The following CAMTA1 variants were observed in gnomAD, a reference collection of about 807,000 sequenced individuals.
CAMTA1 encodes the protein calmodulin-binding transcription activator 1.
A neutral mutation model predicts 170.9 loss-of-function variants in CAMTA1; 27 were observed. The observed-to-expected ratio is 0.16, with a 90% CI of 0.12 to 0.22. CAMTA1 has a LOEUF of 0.22. Ranked by LOEUF, CAMTA1 falls within the 10% of genes least tolerant of loss-of-function variation. The pLI is 1.00. For synonymous variants in CAMTA1, 833 were observed against 891.5 expected, an observed-to-expected ratio of 0.93 and a Z score of 1.17; for missense variants, 1,619 against 2,217.2, an observed-to-expected ratio of 0.73 and a Z score of 5.42.
rs1388710803 is a variant in CAMTA1 at position 7,443,741 on chromosome 1, G to A, written c.439-24089G>A. ...GTAGATGTGGAGGTTTGGTAAGAAG[G>A]GAGAAGTGGGGCTCCAGAGAGGGTC... On this transcript the variant is annotated intron_variant, in intron 5 of 22. Transcript: ENST00000303635. This position sits in a 1 kb window ranked among gnomAD's most constrained non-coding sequence, Gnocchi z 4.1. 6.6e-6 allele frequency among the ~76,000 whole-genome samples: 1 copy of A among 152,104 alleles called. No individual in the cohort carries two copies.
At chr1:7,725,955 G>T (rs1017804374) in intron 11 of CAMTA1, among the ~76,000 whole-genome samples, 15 of 152,102 alleles carry the variant, frequency 9.9e-5, no homozygotes, top group Non-Finnish European at 1.8e-4. Flanking sequence ...AGGCGGGTGG[G>T]TCACACACAG....
In CAMTA1 at chr1:7,738,439, G is replaced by C. The variant is rs1401102263; in HGVS notation, c.4139G>C (p.Ser1380Thr). 6.2e-7 allele frequency: 1 copy of C among 1,614,160 alleles called. No homozygotes were observed. The highest frequency in any genetic ancestry group is 8.5e-7 in the Non-Finnish European group (1 of 1,179,990). ...VNTELGSYRDSAENEECGQPM... is the reference protein window; with the variant it reads ...VNTELGSYRDTAENEECGQPM... ...ACAGAGCTGGGGTCCTACCGTGATA[G>C]TGCAGAAAATGAAGAATGCGGCCAG... is the stretch of plus-strand genomic sequence containing the variant. Residue 1380 changes from serine (S) to threonine (T), a missense_variant, in exon 16 of 23, where the codon AGT becomes ACT. Coordinates refer to ENST00000303635, the MANE Select transcript of CAMTA1 (RefSeq NM_015215.4). The surrounding 1 kb of genome is among the most constrained non-coding windows in gnomAD (Gnocchi z 4.9).
chr1:7,223,689 C>T (rs750878210), intron 4 of CAMTA1, among the ~76,000 whole-genome samples: 5 of 151,986 alleles, frequency 3.3e-5, no homozygotes, highest in African/African-American at 4.8e-5. Context: ...AATACTTGTC[C>T]GATGAATTCA....
intron 1 of CAMTA1, among the ~76,000 whole-genome samples, chr1:6,808,867 A>G (rs543488819): frequency 2.9e-4 from 44 of 152,184 alleles, no homozygotes; most frequent in African/African-American, 1.0e-3. Context: ...CACACATGCA[A>G]TTTTGTGACT....
intron 3 of CAMTA1, among the ~76,000 whole-genome samples, chr1:7,022,732 G>T (rs1372251816): frequency 6.6e-6 from 1 of 152,122 alleles, no homozygotes; most frequent in Non-Finnish European, 1.5e-5. Flanking sequence ...TTGGGCAAGA[G>T]TATGATTCCC....
chr1:7,166,413 A>C (rs1442265804), intron 4 of CAMTA1, among the ~76,000 whole-genome samples: 1 of 152,206 alleles, frequency 6.6e-6, no homozygotes, highest in African/African-American at 2.4e-5. Context: ...TGGGTGGTAG[A>C]GTACCTATAC....
intron 5 of CAMTA1, among the ~76,000 whole-genome samples, chr1:7,285,844 A>G (rs1417284020): frequency 6.6e-6 from 1 of 152,176 alleles, no homozygotes; most frequent in Non-Finnish European, 1.5e-5. Context: ...AGCCCCACTG[A>G]TGGCTGAAAT....
At chr1:7,172,439 T>G (rs1328791959) in intron 4 of CAMTA1, among the ~76,000 whole-genome samples, 1 of 152,226 alleles carries the variant, frequency 6.6e-6, no homozygotes, top group African/African-American at 2.4e-5. Flanking sequence ...CATGAGCCAC[T>G]GTGCCTGGTC....
At chr1:7,109,974 C>T (rs570769889) in intron 4 of CAMTA1, among the ~76,000 whole-genome samples, 39 of 152,318 alleles carry the variant, frequency 2.6e-4, no homozygotes, top group African/African-American at 7.2e-4. Context: ...GATTTGGCCT[C>T]AGTGGCTCTG....
chr1:7,258,851 G>C (rs1229129435), intron 5 of CAMTA1, among the ~76,000 whole-genome samples: 1 of 152,164 alleles, frequency 6.6e-6, no homozygotes, highest in Non-Finnish European at 1.5e-5. Flanking sequence ...TCCTCGGATA[G>C]TCGCGGCCAT....
At chr1:6,848,880 C>T (rs1048234753) in intron 3 of CAMTA1, among the ~76,000 whole-genome samples, 6 of 152,112 alleles carry the variant, frequency 3.9e-5, no homozygotes, top group Admixed American at 6.5e-5. Context: ...AAGGGTACTT[C>T]CGGGAAAACA....
At chr1:7,583,761 G>C (rs1159661726) in intron 6 of CAMTA1, among the ~76,000 whole-genome samples, 1 of 151,262 alleles carries the variant, frequency 6.6e-6, no homozygotes, top group Non-Finnish European at 1.5e-5. Flanking sequence ...GACCTGCACA[G>C]GTGCACAGGA....
chr1:7,464,377 A>C, intron 5 of CAMTA1, among the ~76,000 whole-genome samples: 1 of 152,238 alleles, frequency 6.6e-6, no homozygotes, highest in East Asian at 1.9e-4. Context: ...TACAACACAA[A>C]TCACTACAGA....
At chr1:6,982,202 C>G (rs1258720417) in intron 3 of CAMTA1, among the ~76,000 whole-genome samples, 2 of 152,204 alleles carry the variant, frequency 1.3e-5, no homozygotes, top group Non-Finnish European at 2.9e-5. Context: ...TGTAAACCCA[C>G]AGAGCACTCC....
intron 5 of CAMTA1, among the ~76,000 whole-genome samples, chr1:7,440,614 T>C (rs2092496040): frequency 1.3e-5 from 2 of 152,232 alleles, no homozygotes; most frequent in South Asian, 4.1e-4. Context: ...AGGCAGATAT[T>C]TGTTTTTCCT....
chr1:7,166,491 T>C (rs954584009), intron 4 of CAMTA1, among the ~76,000 whole-genome samples: 1 of 152,246 alleles, frequency 6.6e-6, no homozygotes, highest in Non-Finnish European at 1.5e-5. Flanking sequence ...AAGTGGAGTG[T>C]GTGATGGTTC....
At chr1:7,756,812 C>G (rs1310882140) in intron 22 of CAMTA1, among the ~76,000 whole-genome samples, 1 of 152,082 alleles carries the variant, frequency 6.6e-6, no homozygotes, top group African/African-American at 2.4e-5. Context: ...CATGCCACTG[C>G]ACTCCAGCCT....
In CAMTA1 at chr1:7,426,938, GC is replaced by G. The variant is rs764176595; in HGVS notation, c.439-40890del. ...AGTAATTTATCAGGCCACCAGCAAG[GC>G]CTTTTTGCTCAGCGGTGGCGTTCAG... On this transcript the variant is annotated intron_variant, in intron 5 of 22. Coordinates refer to ENST00000303635, the MANE Select transcript of CAMTA1 (RefSeq NM_015215.4). This position sits in a 1 kb window ranked among gnomAD's most constrained non-coding sequence, Gnocchi z 4.8. 2.0e-5 allele frequency among the ~76,000 whole-genome samples: 3 copies of G among 152,088 alleles called. No individual in the cohort carries two copies. The highest frequency in any genetic ancestry group is 2.9e-5 in the Non-Finnish European group (2 of 68,026).
At chr1:7,615,477 A>G (rs2095553168) in intron 6 of CAMTA1, among the ~76,000 whole-genome samples, 1 of 152,258 alleles carries the variant, frequency 6.6e-6, no homozygotes, top group Admixed American at 6.5e-5. Context: ...TTTCTTGGCC[A>G]TAAAATGGGA....
Sources: allele counts gnomAD v4.1 joint callset (sites outside exome capture counted in the v4.1 genomes callset), GRCh38; gene constraint gnomAD v4.1.1; non-coding constraint Gnocchi (gnomAD v3.1); transcripts MANE v1.5; gene names NCBI Gene and HGNC (gene_info 2026-07-23, HGNC 2026-07-21).